The following GALNT7 variants were observed in gnomAD, a reference collection of about 807,000 sequenced individuals.
GALNT7 encodes the protein N-acetylgalactosaminyltransferase 7.
Under a neutral mutation model 82.1 loss-of-function variants are expected in GALNT7, and 60 were observed. That is an observed-to-expected ratio of 0.73 (90% CI 0.59 to 0.91). GALNT7 has a LOEUF of 0.91. Among genes scored for constraint, GALNT7 ranks in the 40% least tolerant of loss-of-function variants. The pLI is 0.00. For missense variants in GALNT7, 660 were observed against 804.2 expected (o/e 0.82, Z 2.17); for synonymous variants, 243 against 275.1 (o/e 0.88, Z 1.15).
At chr4:173,203,175 G>A (rs1174141896) in intron 1 of GALNT7, among the ~76,000 whole-genome samples, 1 of 152,024 alleles carries the variant, frequency 6.6e-6, no homozygotes, top group African/African-American at 2.4e-5. Flanking sequence ...GGCTCTGCAA[G>A]CTCCGCCTCC....
chr4:173,183,043 AACACAC>A (rs35043722), intron 1 of GALNT7, among the ~76,000 whole-genome samples: 7,685 of 125,004 alleles, frequency 0.061, 261 homozygotes, highest in Middle Eastern at 0.1. Context: ...CACACACATA[AACACAC>A]ACACACACAC....
At chr4:173,219,451 A>C (rs1237666170) in intron 1 of GALNT7, among the ~76,000 whole-genome samples, 1 of 152,038 alleles carries the variant, frequency 6.6e-6, no homozygotes, top group Non-Finnish European at 1.5e-5. Flanking sequence ...TGCTGCTATA[A>C]ATATGTGTGC....
At chr4:173,186,944 T>G (rs1732478554) in intron 1 of GALNT7, among the ~76,000 whole-genome samples, 1 of 152,062 alleles carries the variant, frequency 6.6e-6, no homozygotes, top group South Asian at 2.1e-4. Flanking sequence ...TTTTAATATT[T>G]TTAGTAGAGA....
At chr4:173,216,725 A>ATTTTTTTTTT (rs1277080433) in intron 1 of GALNT7, among the ~76,000 whole-genome samples, 44 of 8,454 alleles carry the variant, frequency 5.2e-3, no homozygotes, top group South Asian at 0.04. Flanking sequence ...ATATATATAT[A>ATTTTTTTTTT]TATTTTTTTT....
intron 2 of GALNT7, among the ~76,000 whole-genome samples, chr4:173,289,106 A>T (rs1736444307): frequency 1.3e-5 from 2 of 152,226 alleles, no homozygotes; most frequent in South Asian, 4.1e-4. Context: ...ACTGAGGGGT[A>T]GCCCCAGCCA....
chr4:173,222,743 T>C (rs915365778), intron 1 of GALNT7, among the ~76,000 whole-genome samples: 3 of 152,220 alleles, frequency 2.0e-5, no homozygotes, highest in African/African-American at 2.4e-5. Context: ...TGCGATTATA[T>C]AGCTAATTAA....
chr4:173,209,803 C>T (rs1225727384), intron 1 of GALNT7, among the ~76,000 whole-genome samples: 3 of 152,208 alleles, frequency 2.0e-5, no homozygotes, highest in Admixed American at 1.3e-4. Context: ...ACCTCAGGTG[C>T]CTTTGTGCTC....
intron 1 of GALNT7, among the ~76,000 whole-genome samples, chr4:173,177,929 G>T (rs887289686): frequency 6.6e-6 from 1 of 151,832 alleles, no homozygotes; most frequent in African/African-American, 2.4e-5. Flanking sequence ...AACTATCAAA[G>T]AGGAACTTAA....
At chr4:173,295,374 A>G (rs752989887) in intron 3 of GALNT7, 22 bp from the exon 4 acceptor site, 10 of 1,476,070 alleles carry the variant, frequency 6.8e-6, no homozygotes, top group South Asian at 1.1e-5. Context: ...AATTTATAAT[A>G]TCGATTGATT....
At chr4:173,301,454 C>T (rs1736932432) in intron 6 of GALNT7, among the ~76,000 whole-genome samples, 2 of 152,174 alleles carry the variant, frequency 1.3e-5, no homozygotes, top group African/African-American at 4.8e-5. Flanking sequence ...ATACACAGGT[C>T]ACCCTTTTGC....
rs1737684062 is a variant in GALNT7, at chr4:173,318,510, T to C, written c.1787T>C (p.Met596Thr). The C allele has an allele frequency of 1.9e-6, 3 of 1,572,046 alleles. No homozygotes were observed. The highest frequency in any genetic ancestry group is 2.6e-6 in the Non-Finnish European group (3 of 1,142,590). Reference protein sequence around the residue: ...LTKGADGSKVMITHCNLNEFK... With the variant: ...LTKGADGSKVTITHCNLNEFK... ...AAGGGAGCTGATGGATCAAAAGTTA[T>C]GATTACACACTGTAATCTAAATGAA... Residue 596 changes from methionine (M) to threonine (T), a missense_variant, in exon 11 of 12, where the codon ATG (methionine) becomes ACG (threonine). Coordinates refer to ENST00000265000, the MANE Select transcript of GALNT7 (RefSeq NM_017423.3).
chr4:173,318,354 T>A (rs975241335), intron 10 of GALNT7, 77 bp from the exon 11 acceptor site: 17 of 1,109,124 alleles, frequency 1.5e-5, no homozygotes, highest in Non-Finnish European at 2.6e-6. Context: ...ATTATAGGAG[T>A]TAAGTTTCTT....
chr4:173,318,413 T>C lies in GALNT7; in HGVS notation c.1708-18T>C, dbSNP rs768987907. ...GGAAGGTGCCTCTGTTACTTAATTC[T>C]CTCTTTTCCTTTTACAGCTTTTCAG... On this transcript the variant is annotated intron_variant, in intron 10 of 11. Coordinates refer to ENST00000265000, the MANE Select transcript of GALNT7 (RefSeq NM_017423.3). The C allele has an allele frequency of 1.3e-5, 21 of 1,590,340 alleles. No homozygotes were observed. Among genetic ancestry groups the C allele is most frequent in the African/African-American group, 4.1e-5 (3 of 73,610 alleles).
chr4:173,218,779 C>T (rs533573343), intron 1 of GALNT7, among the ~76,000 whole-genome samples: 1 of 152,162 alleles, frequency 6.6e-6, no homozygotes, highest in South Asian at 2.1e-4. Flanking sequence ...TAAATTTTGT[C>T]AGTTGCCCAG....
chr4:173,288,282 CAAAA>C (rs70944442), intron 2 of GALNT7, among the ~76,000 whole-genome samples: 1,233 of 62,982 alleles, frequency 0.02, 36 homozygotes, highest in African/African-American at 0.1. Context: ...GACTCCATCT[CAAAA>C]AAAAAAAAAA....
At chr4:173,253,042 A>G (rs144237250) in intron 2 of GALNT7, among the ~76,000 whole-genome samples, 1,886 of 152,042 alleles carry the variant, frequency 0.012, 35 homozygotes, top group African/African-American at 0.042. Flanking sequence ...TCTACCAAAA[A>G]TACAAAAAAA....
intron 1 of GALNT7, among the ~76,000 whole-genome samples, chr4:173,211,308 G>T (rs1733278373): frequency 6.6e-6 from 1 of 152,186 alleles, no homozygotes; most frequent in South Asian, 2.1e-4. Context: ...TCTGCTCTGT[G>T]TGAGCCTGGG....
chr4:173,248,377 T>G lies in GALNT7; in HGVS notation c.524T>G (p.Phe175Cys), dbSNP rs564859392. Reference sequence around the variant, plus strand: ...CAAGCCAGCATTAAAGAGTTTGGATTTAACATGGTGGCAAGTGACATGATC... The same window carrying G: ...CAAGCCAGCATTAAAGAGTTTGGATGTAACATGGTGGCAAGTGACATGATC... Reference protein sequence around the residue: ...AIQASIKEFGFNMVASDMISL... With the variant: ...AIQASIKEFGCNMVASDMISL... Residue 175 changes from phenylalanine (F) to cysteine (C), a missense_variant, in exon 2 of 12, where the codon TTT becomes TGT. Coordinates refer to ENST00000265000, the MANE Select transcript of GALNT7 (RefSeq NM_017423.3). 6.2e-7 allele frequency: 1 copy of G among 1,613,792 alleles called. No homozygotes were observed. The highest frequency in any genetic ancestry group is 1.3e-5 in the African/African-American group (1 of 75,012).
intron 1 of GALNT7, among the ~76,000 whole-genome samples, chr4:173,233,361 T>C (rs1031853646): frequency 6.6e-6 from 1 of 152,238 alleles, no homozygotes; most frequent in African/African-American, 2.4e-5. Context: ...CAACAGTGTA[T>C]AAGAGTTCCC....
Sources: allele counts gnomAD v4.1 joint callset (sites outside exome capture counted in the v4.1 genomes callset), GRCh38; gene constraint gnomAD v4.1.1; transcripts MANE v1.5; gene names NCBI Gene and HGNC (gene_info 2026-07-23, HGNC 2026-07-21).